Variants in APOL5 observed in about 807,000 individuals in gnomAD.
APOL5 encodes the protein apolipoprotein L5, also known as apolipoprotein L, 5.
A neutral mutation model predicts 35.5 loss-of-function variants in APOL5; 29 were observed. The observed-to-expected ratio is 0.82, with a 90% confidence interval of 0.61 to 1.11. The LOEUF is 1.11. Among genes scored for constraint, APOL5 ranks in the 50% most tolerant of loss-of-function variants. The pLI is 0.00. For missense variants in APOL5, 514 were observed against 530.4 expected, an observed-to-expected ratio of 0.97 and a Z score of 0.30; for synonymous variants, 188 against 200.2, an observed-to-expected ratio of 0.94 and a Z score of 0.51.
At chr22:35,723,063 G>C (rs1569152322) in intron 2 of APOL5, among the ~76,000 whole-genome samples, 1 of 152,202 alleles carries the variant, frequency 6.6e-6, no homozygotes, top group Non-Finnish European at 1.5e-5. Context: ...GCTTCCTCCA[G>C]GAGGGAGGAG....
chr22:35,722,366 G>A (rs1296807893), intron 2 of APOL5, among the ~76,000 whole-genome samples: 1 of 152,120 alleles, frequency 6.6e-6, no homozygotes, highest in Non-Finnish European at 1.5e-5. Context: ...GCAGTGGCGC[G>A]ATCTCGGCTC....
upstream of APOL5, among the ~76,000 whole-genome samples, chr22:35,717,142 T>C (rs1926771535): frequency 6.7e-6 from 1 of 149,392 alleles, no homozygotes; most frequent in South Asian, 2.1e-4. Flanking sequence ...TCCTAGCACT[T>C]TGGGAGGCCA....
chr22:35,710,868 G>T, the APOL5 span, among the ~76,000 whole-genome samples: 1 of 152,058 alleles, frequency 6.6e-6, no homozygotes, highest in African/African-American at 2.4e-5. Flanking sequence ...CTGTAGCATG[G>T]GTCAGAACTT....
At chr22:35,719,168 A>G (rs1039228496) in intron 1 of APOL5, among the ~76,000 whole-genome samples, 7 of 152,226 alleles carry the variant, frequency 4.6e-5, no homozygotes, top group Admixed American at 6.5e-5. Context: ...GAAGTAGAGA[A>G]TGAAATCAAT....
chr22:35,724,379 CTT>C (rs35923261), intron 2 of APOL5, among the ~76,000 whole-genome samples: 49 of 143,934 alleles, frequency 3.4e-4, no homozygotes, highest in Non-Finnish European at 3.8e-4. Flanking sequence ...AAGCAACCAC[CTT>C]TTTTTTTTTT....
At chr22:35,728,348 C>T (rs1391980695) in intron 3 of APOL5, among the ~76,000 whole-genome samples, 8 of 152,260 alleles carry the variant, frequency 5.3e-5, no homozygotes, top group East Asian at 1.9e-4. Flanking sequence ...CTCAATCCCC[C>T]GAGTAGCTGG....
upstream of APOL5, among the ~76,000 whole-genome samples, chr22:35,715,220 C>T (rs1926707924): frequency 6.6e-6 from 1 of 152,212 alleles, no homozygotes; most frequent in South Asian, 2.1e-4. Flanking sequence ...CATCCTCTGC[C>T]TTTGCTGGGT....
At chr22:35,716,511 C>T (rs1213329608), upstream of APOL5, among the ~76,000 whole-genome samples, 1 of 152,218 alleles carries the variant, frequency 6.6e-6, no homozygotes, top group African/African-American at 2.4e-5. Flanking sequence ...ATCCACCTGC[C>T]TCAGCTTCCC....
intron 2 of APOL5, among the ~76,000 whole-genome samples, chr22:35,724,595 T>C (rs1019705844): frequency 3.3e-5 from 5 of 151,678 alleles, no homozygotes; most frequent in African/African-American, 1.2e-4. Flanking sequence ...TCCACATACA[T>C]TTATTTTATT....
At position 35,727,145 on chromosome 22, in the gene APOL5, C is replaced by T; in HGVS notation, c.1077C>T (p.Ser359=). 2 of 1,608,472 alleles carry T rather than the reference C, an allele frequency of 1.2e-6. No homozygotes were observed. Among genetic ancestry groups the T allele is most frequent in the Non-Finnish European group, 1.7e-6 (2 of 1,179,968 alleles). ...HLPQKASQTC[S]SSRGRAVRGS... Reference sequence around the variant, plus strand: ...CGCAGAAGGCGAGCCAGACCTGTTCCAGCTCCCGGGGCAGGGCTGTTCGAG... The same window carrying T: ...CGCAGAAGGCGAGCCAGACCTGTTCTAGCTCCCGGGGCAGGGCTGTTCGAG... The change falls in exon 3 of 5, where the codon TCC becomes TCT. Residue 359 remains serine, a synonymous_variant. Transcript: ENST00000249044.
chr22:35,719,059 AT>A (rs71191392), intron 1 of APOL5, among the ~76,000 whole-genome samples: 100,781 of 150,852 alleles, frequency 0.67, 34,173 homozygotes, highest in African/African-American at 0.76. Context: ...CGTCTCAAAA[AT>A]AATAATAATA....
intron 2 of APOL5, among the ~76,000 whole-genome samples, chr22:35,722,896 G>T (rs1301340412): frequency 6.6e-6 from 1 of 152,116 alleles, no homozygotes; most frequent in African/African-American, 2.4e-5. Flanking sequence ...CGATCTGGAA[G>T]GGCCTTCCAG....
Position 35,717,905 on chromosome 22 carries a change from C to A in APOL5, c.34C>A (p.Pro12Thr). Residue 12 changes from proline to threonine, a missense_variant, in exon 1 of 5, where the codon CCC (proline) becomes ACC (threonine). Pro to Thr is a conservative substitution (Grantham distance 38). Transcript: ENST00000249044. ...TGGCAAACAAGGAAATTTGCAAGTT[C>A]CCGGTTCCAAGGTGTTACCTGGTAA... ...PCGKQGNLQV[P>T]GSKVLPGLGE... The A allele has an allele frequency of 1.9e-6, 3 of 1,591,822 alleles. No homozygotes were observed. The highest frequency in any genetic ancestry group is 2.6e-6 in the Non-Finnish European group (3 of 1,169,242).
At chr22:35,712,398 G>A in the APOL5 span, among the ~76,000 whole-genome samples, 1 of 151,890 alleles carries the variant, frequency 6.6e-6, no homozygotes, top group Non-Finnish European at 1.5e-5. Flanking sequence ...TTAATTTTTT[G>A]TGGAGACAGA....
chr22:35,721,007 A>T (rs910523782), intron 2 of APOL5, among the ~76,000 whole-genome samples: 1 of 152,046 alleles, frequency 6.6e-6, no homozygotes, highest in Admixed American at 6.6e-5. Context: ...CGGCCTCCCA[A>T]TGTGCTGGGA....
chr22:35,723,180 G>C (rs1189064369), intron 2 of APOL5, among the ~76,000 whole-genome samples: 1 of 152,106 alleles, frequency 6.6e-6, no homozygotes, highest in Non-Finnish European at 1.5e-5. Context: ...GGGGTTCCTT[G>C]GTCCAAGTAC....
chr22:35,718,005 C>T (rs2145995934), intron 1 of APOL5, 79 bp downstream of exon 1: 3 of 1,228,448 alleles, frequency 2.4e-6, no homozygotes, highest in Non-Finnish European at 3.3e-6. Flanking sequence ...AAATACGTTA[C>T]ACTATTTTTT....
Position 35,728,813 on chromosome 22 carries a change from C to T in APOL5, c.1217C>T (p.Ser406Phe), listed in dbSNP as rs2076673. The change falls in exon 4 of 5, where the codon TCT (serine) becomes TTT (phenylalanine). Residue 406 changes from serine to phenylalanine, a missense_variant. Coordinates refer to ENST00000249044, the MANE Select transcript of APOL5 (RefSeq NM_030642.1). ...CTGAGGACACCAAAGAGGACAGTCT[C>T]TGCCCCAAGGATGCTTGGCCACCAG... ...VALRTPKRTV[S>F]APRMLGHQPA... is the part of the protein sequence containing the mutation. 1.9e-6 allele frequency: 3 copies of T among 1,612,838 alleles called. No individual in the cohort carries two copies. Among genetic ancestry groups the T allele is most frequent in the Middle Eastern group, 1.7e-4 (1 of 6,056 alleles).
Position 35,726,397 on chromosome 22 carries a change from A to C in APOL5, c.329A>C (p.Lys110Thr). 1.9e-6 allele frequency: 3 copies of C among 1,614,116 alleles called. No individual in the cohort carries two copies. Among genetic ancestry groups the C allele is most frequent in the Non-Finnish European group, 2.5e-6 (3 of 1,180,038 alleles). ...TTTCTCTCATATTTTCCTTTGCACA[A>C]GTTTGAGCTAGAACAGAACATCAAA... ...KLFLSYFPLHKFELEQNIKEL... is the reference protein window; with the variant it reads ...KLFLSYFPLHTFELEQNIKEL... Residue 110 changes from lysine to threonine, a missense_variant, in exon 3 of 5, where the codon AAG becomes ACG. Transcript: ENST00000249044.
Sources: allele counts gnomAD v4.1 joint callset (sites outside exome capture counted in the v4.1 genomes callset), GRCh38; gene constraint gnomAD v4.1.1; transcripts MANE v1.5; gene names NCBI Gene and HGNC (gene_info 2026-07-23, HGNC 2026-07-21).